The following NRXN3 variants were observed in gnomAD, a reference collection of about 807,000 sequenced individuals.
NRXN3 encodes the protein neurexin III.
NRXN3 carries 32 observed loss-of-function variants against 137.6 expected under a neutral mutation model. The ratio of observed to expected loss-of-function variants is 0.23; its 90% confidence interval spans 0.18 to 0.31. The LOEUF is 0.31. NRXN3 is among the 10% of genes least tolerant of loss of function. The pLI, the probability that NRXN3 is intolerant of heterozygous loss-of-function variation, is 1.00. For missense variants in NRXN3, 1,574 were observed against 2,062.5 expected (o/e 0.76, Z 4.59); for synonymous variants, 798 against 784.5 (o/e 1.02, Z -0.29).
chr14:79,663,675 C>A, intron 16 of NRXN3, 103 bp from the exon 17 acceptor site: 1 of 870,864 alleles, frequency 1.1e-6, no homozygotes, highest in African/African-American at 1.7e-5. Context: ...CTGACAGCTC[C>A]CTCTGGGCAC....
chr14:78,220,527 G>A (rs2063740060), intron 1 of NRXN3, among the ~76,000 whole-genome samples: 1 of 152,186 alleles, frequency 6.6e-6, no homozygotes, highest in Non-Finnish European at 1.5e-5. Context: ...CCGGAATGCA[G>A]AGGATGAGGA....
chr14:79,390,998 A>G (rs967700275), intron 15 of NRXN3, among the ~76,000 whole-genome samples: 1 of 152,140 alleles, frequency 6.6e-6, no homozygotes, highest in Non-Finnish European at 1.5e-5. Context: ...TGAGGCAGCA[A>G]GGAGTCCCTT....
chr14:78,912,686 A>T (rs1187766115), intron 10 of NRXN3, among the ~76,000 whole-genome samples: 1 of 152,112 alleles, frequency 6.6e-6, no homozygotes, highest in Non-Finnish European at 1.5e-5. Context: ...TACATAGCTT[A>T]CCTGGGATTT....
intron 4 of NRXN3, among the ~76,000 whole-genome samples, chr14:78,536,048 G>A (rs914837365): frequency 1.3e-5 from 2 of 152,142 alleles, no homozygotes; most frequent in African/African-American, 4.8e-5. Context: ...GGGTCTGAGA[G>A]TGTTTCGTGG....
intron 11 of NRXN3, 138 bp from the exon 12 acceptor site, chr14:78,965,887 A>G: frequency 1.1e-6 from 1 of 915,274 alleles, no homozygotes; most frequent in Non-Finnish European, 1.7e-6. Context: ...ACCATATTGA[A>G]TATTTGGTTT....
intron 4 of NRXN3, among the ~76,000 whole-genome samples, chr14:78,476,343 C>T (rs2153734142): frequency 6.6e-6 from 1 of 152,258 alleles, no homozygotes; most frequent in Non-Finnish European, 1.5e-5. Context: ...TGAGGGAATT[C>T]CTCTCCAAGG....
chr14:79,431,240 A>T (rs941676565), intron 15 of NRXN3, among the ~76,000 whole-genome samples: 1 of 152,212 alleles, frequency 6.6e-6, no homozygotes, highest in African/African-American at 2.4e-5. Flanking sequence ...GCCCTCTGCC[A>T]TAAGTTTGCA....
At chr14:79,831,898 C>T (rs1018404197) in intron 20 of NRXN3, among the ~76,000 whole-genome samples, 3 of 152,070 alleles carry the variant, frequency 2.0e-5, no homozygotes, top group Non-Finnish European at 4.4e-5. Flanking sequence ...GAGCCCCCCA[C>T]GTTTATCTCA....
intron 16 of NRXN3, among the ~76,000 whole-genome samples, chr14:79,577,321 T>G (rs1009039042): frequency 6.6e-6 from 1 of 152,238 alleles, no homozygotes; most frequent in Non-Finnish European, 1.5e-5. Context: ...AATTGCTTAC[T>G]GTCAGCTCTT....
At chr14:78,387,293 T>C (rs2090113749) in intron 4 of NRXN3, among the ~76,000 whole-genome samples, 1 of 152,196 alleles carries the variant, frequency 6.6e-6, no homozygotes, top group Non-Finnish European at 1.5e-5. Context: ...TTTTTTTGGG[T>C]TAGCATCATG....
intron 1 of NRXN3, among the ~76,000 whole-genome samples, chr14:78,194,913 C>T (rs746084224): frequency 1.8e-4 from 28 of 152,286 alleles, no homozygotes; most frequent in South Asian, 2.1e-4. Context: ...TAATCTGCAA[C>T]GTGTGCAGAT....
intron 15 of NRXN3, among the ~76,000 whole-genome samples, chr14:79,285,134 G>A (rs1048730266): frequency 1.3e-5 from 2 of 152,074 alleles, no homozygotes; most frequent in Admixed American, 6.5e-5. Context: ...TGGAGTAGGG[G>A]CAGCTATATC....
rs374887489 is a variant in NRXN3, at chr14:78,389,797, C to A, written c.757+91937C>A. Among the ~76,000 whole-genome samples the A allele has an allele frequency of 3.9e-5, 6 of 152,148 alleles. No individual in the cohort carries two copies. The South Asian group carries it at 6.2e-4, about 16-fold the overall frequency. ...TTTCCTTTTATGATTTCTTCAGTTG[C>A]TTTTTTAATATTAAAAACTTTTCCA... On this transcript the variant is annotated intron_variant, in intron 4 of 20. Transcript: ENST00000335750.
chr14:79,505,996 GGTT>G (rs2096874554), intron 16 of NRXN3, among the ~76,000 whole-genome samples: 2 of 152,132 alleles, frequency 1.3e-5, no homozygotes, highest in Admixed American at 6.5e-5. Flanking sequence ...AGCTAGCTCA[GGTT>G]GTTGTCAGAT....
chr14:78,549,219 C>T (rs1393700277), intron 4 of NRXN3, among the ~76,000 whole-genome samples: 1 of 152,202 alleles, frequency 6.6e-6, no homozygotes, highest in African/African-American at 2.4e-5. Context: ...TTGTCCTTCA[C>T]TGTTTCAAGT....
At chr14:78,344,338 C>T (rs2082467806) in intron 4 of NRXN3, among the ~76,000 whole-genome samples, 1 of 152,098 alleles carries the variant, frequency 6.6e-6, no homozygotes, top group African/African-American at 2.4e-5. Flanking sequence ...CAATGAGGGC[C>T]CACAAATAAA....
chr14:78,213,816 C>T (rs17107154), intron 1 of NRXN3, among the ~76,000 whole-genome samples: 34,877 of 151,698 alleles, frequency 0.23, 4,094 homozygotes, highest in East Asian at 0.37. Flanking sequence ...TGAAACACAG[C>T]GAGAGGGGAG....
At chr14:79,462,203 G>A (rs1002132306) in intron 15 of NRXN3, among the ~76,000 whole-genome samples, 4 of 151,558 alleles carry the variant, frequency 2.6e-5, no homozygotes, top group East Asian at 3.9e-4. Flanking sequence ...GTGAAACCCC[G>A]TCTCTACTAA....
At chr14:78,227,493 A>G (rs1045395775) in intron 1 of NRXN3, among the ~76,000 whole-genome samples, 1 of 152,210 alleles carries the variant, frequency 6.6e-6, no homozygotes, top group African/African-American at 2.4e-5. Context: ...TGCATGTTAC[A>G]TATGATGGTT....
Sources: gnomAD v4.1 joint callset for allele counts (sites outside exome capture counted in the v4.1 genomes callset) on GRCh38, gnomAD v4.1.1 for gene constraint, MANE v1.5 for transcripts, NCBI Gene and HGNC (gene_info 2026-07-23, HGNC 2026-07-21) for gene names.